EXOC6: variants seen among roughly 807,000 people sequenced by gnomAD.
EXOC6 encodes the protein SEC15-like 1.
Under a neutral mutation model 112.5 loss-of-function variants are expected in EXOC6, and 60 were observed. The observed-to-expected ratio is 0.53, with a 90% CI of 0.43 to 0.66. The LOEUF is 0.66. Among genes scored for constraint, EXOC6 ranks in the 30% least tolerant of loss-of-function variants. EXOC6 has a pLI of 0.00. For synonymous variants in EXOC6, 295 were observed against 308.0 expected (o/e 0.96, Z 0.44); for missense variants, 855 against 957.1 (o/e 0.89, Z 1.41).
At chr10:92,961,995 G>C (rs1261798976) in intron 17 of EXOC6, among the ~76,000 whole-genome samples, 1 of 152,086 alleles carries the variant, frequency 6.6e-6, no homozygotes, top group East Asian at 1.9e-4. Context: ...AGATAACTTA[G>C]GTAATCGGAG....
chr10:92,864,247 A>C (rs939672219), intron 1 of EXOC6, among the ~76,000 whole-genome samples: 2 of 152,252 alleles, frequency 1.3e-5, no homozygotes, highest in Non-Finnish European at 2.9e-5. Context: ...ATAACCAAGG[A>C]AACAAGCCCA....
At chr10:92,829,434 C>T (rs1257831718) in intron 1 of EXOC6, among the ~76,000 whole-genome samples, 1 of 152,208 alleles carries the variant, frequency 6.6e-6, no homozygotes, top group Non-Finnish European at 1.5e-5. Flanking sequence ...CTTAACCTCA[C>T]TCCATACGTG....
chr10:92,892,638 C>A (rs1241347324), intron 1 of EXOC6, among the ~76,000 whole-genome samples: 2 of 152,190 alleles, frequency 1.3e-5, no homozygotes, highest in Non-Finnish European at 2.9e-5. Context: ...ATGCCAAAGG[C>A]TTTCCTCCCA....
intron 19 of EXOC6, among the ~76,000 whole-genome samples, chr10:93,005,134 TATAA>T (rs1843918027): frequency 1.3e-5 from 2 of 152,196 alleles, no homozygotes; most frequent in Admixed American, 1.3e-4. Context: ...TAAATATGAC[TATAA>T]ATTGTTAAAC....
chr10:92,983,779 T>C (rs1048659481), intron 18 of EXOC6, among the ~76,000 whole-genome samples: 1 of 152,176 alleles, frequency 6.6e-6, no homozygotes, highest in Admixed American at 6.5e-5. Context: ...AGTGATAGGA[T>C]TATAGGCACG....
rs1476921814 is a variant in EXOC6, at chr10:92,850,514, C to T, written c.101+1880C>T. 2.0e-5 allele frequency among the ~76,000 whole-genome samples: 3 copies of T among 151,776 alleles called. No homozygotes were observed. The East Asian group carries it at 5.8e-4, about 29-fold the overall frequency. On this transcript the variant is annotated intron_variant, in intron 1 of 21. Transcript: ENST00000260762. The stretch of plus-strand genomic sequence containing the variant: ...TGTTTAAGCTACTACTATTTTTTCC[C>T]TTTTTTTTCAGGTTTCACGAAGTGA...
chr10:93,039,733 G>C (rs1354232393), intron 20 of EXOC6, among the ~76,000 whole-genome samples: 1 of 152,002 alleles, frequency 6.6e-6, no homozygotes, highest in Non-Finnish European at 1.5e-5. Flanking sequence ...CTTTTTTCCT[G>C]TTTCATTCAC....
At chr10:92,868,990 CT>C (rs1230531519) in intron 1 of EXOC6, among the ~76,000 whole-genome samples, 2 of 151,878 alleles carry the variant, frequency 1.3e-5, no homozygotes, top group Non-Finnish European at 2.9e-5. Flanking sequence ...AGAGCTCTGG[CT>C]TTTGTGCTGA....
At chr10:92,895,194 A>G (rs190956377) in intron 4 of EXOC6, among the ~76,000 whole-genome samples, 174 bp downstream of exon 4, 24 of 152,284 alleles carry the variant, frequency 1.6e-4, no homozygotes, top group African/African-American at 5.1e-4. Flanking sequence ...TGCTTTTGTC[A>G]TGTTAGAAAG....
chr10:92,831,980 T>A (rs1846498126), upstream of EXOC6, among the ~76,000 whole-genome samples: 1 of 152,244 alleles, frequency 6.6e-6, no homozygotes, highest in Non-Finnish European at 1.5e-5. Context: ...TAAAACCATG[T>A]GATATTTAGA....
chr10:92,987,530 T>C (rs937042184), intron 18 of EXOC6: 1 of 557,620 alleles, frequency 1.8e-6, no homozygotes, highest in Admixed American at 6.3e-5. Context: ...TATATTCCCT[T>C]TTGCTACTTT....
intron 18 of EXOC6, among the ~76,000 whole-genome samples, chr10:92,982,973 A>G (rs1842879739): frequency 6.6e-6 from 1 of 152,212 alleles, no homozygotes; most frequent in Non-Finnish European, 1.5e-5. Context: ...ATGCTCAAGA[A>G]TAAATAAAGA....
At chr10:92,971,531 C>A (rs1019385099) in intron 17 of EXOC6, among the ~76,000 whole-genome samples, 3 of 152,008 alleles carry the variant, frequency 2.0e-5, no homozygotes, top group African/African-American at 7.2e-5. Context: ...CACACCACCA[C>A]GTGTGGCTAA....
intron 9 of EXOC6, among the ~76,000 whole-genome samples, chr10:92,931,115 G>GAAAAAAAAA (rs60087746): frequency 1.4e-5 from 1 of 70,614 alleles, no homozygotes; most frequent in Non-Finnish European, 2.7e-5. Context: ...CATCTCAGAA[G>GAAAAAAAAA]AAAAAAAAAA....
At chr10:93,025,033 T>C (rs1844966401) in intron 20 of EXOC6, among the ~76,000 whole-genome samples, 1 of 152,152 alleles carries the variant, frequency 6.6e-6, no homozygotes, top group Non-Finnish European at 1.5e-5. Flanking sequence ...TTACCCAAGA[T>C]GACAGGAGAC....
Position 93,059,447 on chromosome 10 carries a change from A to G in EXOC6, c.*1092A>G, listed in dbSNP as rs1278051431. 6.6e-6 allele frequency: 1 copy of G among 152,142 alleles called. No homozygotes were observed. The highest frequency in any genetic ancestry group is 1.5e-5 in the Non-Finnish European group (1 of 68,032). 9.4% of individuals were successfully genotyped at this position (152,142 alleles called of 1,614,324 possible). A position where few individuals can be genotyped will look rare whatever the true frequency, so the allele number is the denominator to read the frequency against. ...TAAAGAATTATATGTACATCTCTGG[A>G]TTTTGTGATGAAATATTAAAAATAT... On this transcript the variant is annotated 3_prime_UTR_variant, in exon 22 of 22. Coordinates refer to ENST00000260762, the MANE Select transcript of EXOC6 (RefSeq NM_019053.6).
intron 14 of EXOC6, among the ~76,000 whole-genome samples, 194 bp downstream of exon 14, chr10:92,948,573 C>CTACT (rs1554900785): frequency 5.0e-5 from 7 of 140,174 alleles, no homozygotes; most frequent in Non-Finnish European, 7.6e-5. Context: ...CTACTACTAC[C>CTACT]ACTACTACTA....
rs551628278 is a variant in EXOC6, at chr10:92,961,299, G to C, written c.1773+5585G>C. ...ATTCATTTTATTGTGTATGCAATTT[G>C]ATTGCCATTTTAAAAAGGCAATGTA... On this transcript the variant is annotated intron_variant, in intron 17 of 21. Transcript: ENST00000260762. Among the ~76,000 whole-genome samples, 33 of 152,178 alleles carry C rather than the reference G, an allele frequency of 2.2e-4. 1 individual carries two copies. The South Asian group carries it at 6.6e-3, about 31-fold the overall frequency.
At chr10:92,982,818 T>A (rs1029823372) in intron 18 of EXOC6, among the ~76,000 whole-genome samples, 7 of 152,216 alleles carry the variant, frequency 4.6e-5, no homozygotes, top group Non-Finnish European at 1.0e-4. Flanking sequence ...GGCTGTAGTG[T>A]TTTACTGATG....
Sources: gnomAD v4.1 joint callset for allele counts (sites outside exome capture counted in the v4.1 genomes callset) on GRCh38, gnomAD v4.1.1 for gene constraint, MANE v1.5 for transcripts, NCBI Gene and HGNC (gene_info 2026-07-23, HGNC 2026-07-21) for gene names.